HMGCLL1: variants seen among roughly 807,000 people sequenced by gnomAD.
HMGCLL1 encodes the protein 3-hydroxymethyl-3-methylglutaryl-CoA lyase, cytoplasmic.
HMGCLL1 carries 36 observed loss-of-function variants against 39.1 expected under a neutral mutation model. The observed-to-expected ratio is 0.92, with a 90% CI of 0.71 to 1.22. The LOEUF (loss-of-function observed/expected upper bound fraction) is 1.22, where lower values mean the gene tolerates loss of function less well. HMGCLL1 is among the 50% of genes most tolerant of loss of function. HMGCLL1 has a pLI of 0.00. For missense variants in HMGCLL1, 451 were observed against 416.5 expected, an observed-to-expected ratio of 1.08 and a Z score of -0.72; for synonymous variants, 149 against 144.0, an observed-to-expected ratio of 1.03 and a Z score of -0.25.
At chr6:55,476,646 T>G (rs187596161) in intron 7 of HMGCLL1, among the ~76,000 whole-genome samples, 2 of 151,848 alleles carry the variant, frequency 1.3e-5, no homozygotes, top group East Asian at 3.9e-4. Context: ...AAGATTTTTC[T>G]TCTTTATTAA....
chr6:55,493,472 C>T (rs1250570450), intron 7 of HMGCLL1, among the ~76,000 whole-genome samples: 1 of 152,006 alleles, frequency 6.6e-6, no homozygotes, highest in Non-Finnish European at 1.5e-5. Flanking sequence ...GAAAAATGGC[C>T]CAGAATTTCA....
At chr6:55,534,423 C>T (rs1172535386) in intron 3 of HMGCLL1, among the ~76,000 whole-genome samples, 1 of 152,084 alleles carries the variant, frequency 6.6e-6, no homozygotes, top group Non-Finnish European at 1.5e-5. Flanking sequence ...AAAAGTAATG[C>T]TATAAAATTT....
chr6:55,502,431 C>A (rs954422446), intron 5 of HMGCLL1, among the ~76,000 whole-genome samples: 1 of 151,724 alleles, frequency 6.6e-6, no homozygotes, highest in Admixed American at 6.6e-5. Context: ...ACATATTTCT[C>A]ATATCTATTT....
At chr6:55,653,771 T>G in the HMGCLL1 span, among the ~76,000 whole-genome samples, 2 of 151,866 alleles carry the variant, frequency 1.3e-5, no homozygotes, top group Non-Finnish European at 2.9e-5. Flanking sequence ...GGGAAGCGCC[T>G]TGGGAAGAGC....
intron 1 of HMGCLL1, among the ~76,000 whole-genome samples, chr6:55,545,690 T>A (rs971754287): frequency 8.5e-5 from 13 of 152,080 alleles, no homozygotes; most frequent in Non-Finnish European, 1.6e-4. Flanking sequence ...TATGTTCTGG[T>A]GGGGAGATAA....
At chr6:55,544,805 C>A (rs948978211) in intron 1 of HMGCLL1, among the ~76,000 whole-genome samples, 2 of 152,056 alleles carry the variant, frequency 1.3e-5, no homozygotes, top group Non-Finnish European at 2.9e-5. Flanking sequence ...AAAAAAGCAA[C>A]CTAGAAGAAA....
At chr6:55,508,105 C>G (rs1767260314) in intron 5 of HMGCLL1, among the ~76,000 whole-genome samples, 1 of 151,826 alleles carries the variant, frequency 6.6e-6, no homozygotes, top group South Asian at 2.1e-4. Flanking sequence ...TCTTCCAGCC[C>G]TAGTTTAAAG....
At chr6:55,536,933 G>A (rs1032852419) in intron 3 of HMGCLL1, among the ~76,000 whole-genome samples, 2 of 152,072 alleles carry the variant, frequency 1.3e-5, no homozygotes, top group African/African-American at 4.8e-5. Flanking sequence ...ACCTACATTT[G>A]AGGAAAAAAA....
intron 1 of HMGCLL1, among the ~76,000 whole-genome samples, chr6:55,570,004 C>T (rs1771397621): frequency 6.6e-6 from 1 of 152,132 alleles, no homozygotes; most frequent in Admixed American, 6.5e-5. Flanking sequence ...TAAGGACTCT[C>T]TTAAAATGCA....
At chr6:55,560,171 C>T (rs1175373827) in intron 1 of HMGCLL1, among the ~76,000 whole-genome samples, 1 of 152,152 alleles carries the variant, frequency 6.6e-6, no homozygotes, top group Non-Finnish European at 1.5e-5. Flanking sequence ...AGTAAGTTAT[C>T]AAACTTCTAA....
intron 1 of HMGCLL1, among the ~76,000 whole-genome samples, chr6:55,572,580 G>A (rs1413480282): frequency 2.6e-5 from 4 of 152,000 alleles, no homozygotes; most frequent in African/African-American, 9.7e-5. Context: ...TATTTTTCAT[G>A]AGGCAGATAA....
chr6:55,487,473 T>C (rs954351576), intron 7 of HMGCLL1, among the ~76,000 whole-genome samples: 2 of 151,508 alleles, frequency 1.3e-5, no homozygotes, highest in Non-Finnish European at 2.9e-5. Flanking sequence ...CAGGCCCCGG[T>C]GTGTGATGTT....
At chr6:55,595,676 TCTTA>T in the HMGCLL1 span, among the ~76,000 whole-genome samples, 3 of 152,164 alleles carry the variant, frequency 2.0e-5, no homozygotes, top group African/African-American at 4.8e-5. Context: ...AAAGCAGTGT[TCTTA>T]CTAAGAACCT....
chr6:55,587,317 GC>G, the HMGCLL1 span, among the ~76,000 whole-genome samples: 1 of 151,824 alleles, frequency 6.6e-6, no homozygotes, highest in Non-Finnish European at 1.5e-5. Context: ...TGAATAGATT[GC>G]AAAAATTTTC....
At chr6:55,618,725 G>T in the HMGCLL1 span, among the ~76,000 whole-genome samples, 1 of 152,058 alleles carries the variant, frequency 6.6e-6, no homozygotes, top group Non-Finnish European at 1.5e-5. Context: ...ATTGTTAAAA[G>T]TAACTTTTTA....
Position 55,516,521 on chromosome 6 carries a change from C to T in HMGCLL1, c.380G>A (p.Gly127Asp). The part of the protein sequence containing the change: ...RYPVLTPNLQ[G>D]FHHAVAAGAT... The stretch of plus-strand genomic sequence containing the variant: ...TAGCACACTTACAGCATGGTGAAAA[C>T]CCTGAAGATTAGGAGTAAGGACAGG... The change falls in exon 4 of 9, where the codon GGT becomes GAT. Residue 127 changes from glycine (G) to aspartate (D), a missense_variant. Transcript: ENST00000274901. 6.3e-7 allele frequency: 1 copy of T among 1,593,034 alleles called. No individual in the cohort carries two copies.
chr6:55,528,730 C>A (rs1768466015), intron 3 of HMGCLL1, among the ~76,000 whole-genome samples: 1 of 151,530 alleles, frequency 6.6e-6, no homozygotes, highest in South Asian at 2.1e-4. Context: ...AGTCCAGAAG[C>A]CTTGAAACTA....
At position 55,577,014 on chromosome 6, in the gene HMGCLL1, T is replaced by C. The variant is rs1173276855; in HGVS notation, c.108+1934A>G. The C allele has an allele frequency of 3.7e-6, 6 of 1,603,158 alleles. No individual in the cohort carries two copies. The African/African-American group carries it at 5.4e-5, about 14-fold the overall frequency. ...CAAACAGTAATCAAATCAGTGAGTG[T>C]AGATTGTCACTCAAACTCACACTAG... On this transcript the variant is annotated intron_variant, in intron 1 of 8. Transcript: ENST00000274901.
At chr6:55,525,541 A>G (rs1385654574) in intron 3 of HMGCLL1, among the ~76,000 whole-genome samples, 1 of 151,984 alleles carries the variant, frequency 6.6e-6, no homozygotes, top group Non-Finnish European at 1.5e-5. Flanking sequence ...CTGAGACTCA[A>G]AGCTGGAACT....
Sources: gnomAD v4.1 joint callset for allele counts (sites outside exome capture counted in the v4.1 genomes callset) on GRCh38, gnomAD v4.1.1 for gene constraint, MANE v1.5 for transcripts, NCBI Gene and HGNC (gene_info 2026-07-23, HGNC 2026-07-21) for gene names.